Variants in AMPH observed in about 807,000 individuals in gnomAD.
The protein encoded by AMPH is amphiphysin (Stiff-Mann syndrome with breast cancer 128kD autoantigen).
AMPH carries 49 observed loss-of-function variants against 99.1 expected under a neutral mutation model. That is an observed-to-expected ratio of 0.49 (90% CI 0.39 to 0.63). The LOEUF is 0.63. Among genes scored for constraint, AMPH ranks in the 20% least tolerant of loss-of-function variants. AMPH has a pLI of 0.00. For synonymous variants in AMPH, 314 were observed against 317.3 expected (o/e 0.99, Z 0.11); for missense variants, 759 against 863.4 (o/e 0.88, Z 1.52).
At chr7:38,574,385 C>A (rs200750671) in intron 1 of AMPH, among the ~76,000 whole-genome samples, 1 of 152,198 alleles carries the variant, frequency 6.6e-6, no homozygotes, top group Admixed American at 6.5e-5. Context: ...CCAGCGGCCC[C>A]TCTCAAACAG....
chr7:38,609,947 C>A (rs1793567838), intron 1 of AMPH, among the ~76,000 whole-genome samples: 1 of 151,862 alleles, frequency 6.6e-6, no homozygotes, highest in African/African-American at 2.4e-5. Context: ...AGAAACTCAG[C>A]TGAGAACGGT....
chr7:38,599,705 T>C (rs1183053750), intron 1 of AMPH, among the ~76,000 whole-genome samples: 1 of 152,152 alleles, frequency 6.6e-6, no homozygotes, highest in Non-Finnish European at 1.5e-5. Context: ...GCTATGTTCT[T>C]ATACATCAAA....
chr7:38,503,517 G>C (rs1486208382), intron 3 of AMPH, 133 bp downstream of exon 3: 9 of 692,786 alleles, frequency 1.3e-5, no homozygotes, highest in Admixed American at 9.7e-5. Context: ...TGGTGGAATG[G>C]AACACCTGTG....
intron 16 of AMPH, among the ~76,000 whole-genome samples, chr7:38,420,602 G>A (rs1402649307): frequency 6.6e-6 from 1 of 152,226 alleles, no homozygotes; most frequent in East Asian, 1.9e-4. Context: ...AATGAGGAGT[G>A]TAGCCTTGCA....
rs1788546102 is a variant in AMPH, at chr7:38,487,500, T to C, written c.396+3550A>G. On this transcript the variant is annotated intron_variant, in intron 5 of 20. Transcript: ENST00000356264. ...GAAAACTGAAACTGGACCCCTTCTTTATACCTTATACAAAAATTAACTCAA... is the reference window on the plus strand; with the variant it reads ...GAAAACTGAAACTGGACCCCTTCTTCATACCTTATACAAAAATTAACTCAA... 3.3e-5 allele frequency among the ~76,000 whole-genome samples: 5 copies of C among 152,162 alleles called. No homozygotes were observed. The South Asian group carries it at 1.0e-3, about 32-fold the overall frequency.
At chr7:38,431,703 GAGT>G (rs1426057575) in intron 13 of AMPH, among the ~76,000 whole-genome samples, 1 of 151,158 alleles carries the variant, frequency 6.6e-6, no homozygotes, top group Non-Finnish European at 1.5e-5. Context: ...TCAAGGTTAT[GAGT>G]AGTAGAGTTT....
chr7:38,495,796 A>G (rs1003400562), intron 3 of AMPH, among the ~76,000 whole-genome samples: 2 of 152,172 alleles, frequency 1.3e-5, no homozygotes, highest in Non-Finnish European at 2.9e-5. Flanking sequence ...TATGGTTTGC[A>G]ACATTAAAGA....
chr7:38,572,374 A>T (rs1415223485), intron 1 of AMPH, among the ~76,000 whole-genome samples: 2 of 152,206 alleles, frequency 1.3e-5, no homozygotes, highest in Admixed American at 6.5e-5. Flanking sequence ...GCCCTGGTGT[A>T]CAGTAGGTGC....
intron 15 of AMPH, among the ~76,000 whole-genome samples, chr7:38,425,555 C>T (rs1189504591): frequency 6.6e-6 from 1 of 152,154 alleles, no homozygotes; most frequent in African/African-American, 2.4e-5. Context: ...CTGTTAATAG[C>T]ATTTTCATCA....
At chr7:38,570,717 C>G (rs1313407897) in intron 1 of AMPH, among the ~76,000 whole-genome samples, 1 of 149,754 alleles carries the variant, frequency 6.7e-6, no homozygotes, top group Non-Finnish European at 1.5e-5. Flanking sequence ...AAAAAAATAA[C>G]TGTAAGTCAG....
intron 7 of AMPH, among the ~76,000 whole-genome samples, chr7:38,473,480 G>A (rs1787960315): frequency 1.5e-5 from 1 of 66,370 alleles, no homozygotes; most frequent in African/African-American, 7.0e-5. Flanking sequence ...CGAGGCGGGT[G>A]GATCATGAGG....
chr7:38,563,619 G>A (rs1458489923), intron 1 of AMPH, among the ~76,000 whole-genome samples: 1 of 152,094 alleles, frequency 6.6e-6, no homozygotes, highest in East Asian at 1.9e-4. Context: ...ATTTACATAT[G>A]ATCCATGACT....
chr7:38,594,846 T>A (rs536926108), intron 1 of AMPH, among the ~76,000 whole-genome samples: 1 of 152,312 alleles, frequency 6.6e-6, no homozygotes, highest in African/African-American at 2.4e-5. Flanking sequence ...TTTTAAGCAA[T>A]ATTTTTTTCA....
In AMPH at chr7:38,473,635, C is replaced by T. The variant is rs1293638029; in HGVS notation, c.590+1696G>A. ...AGGAGAATGGCGTGAACCCGGGAAGCGGAGCTTGCAGTGAGCCGAGATTGC... is the reference window on the plus strand; with the variant it reads ...AGGAGAATGGCGTGAACCCGGGAAGTGGAGCTTGCAGTGAGCCGAGATTGC... On this transcript the variant is annotated intron_variant, in intron 7 of 20. Coordinates refer to ENST00000356264, the MANE Select transcript of AMPH (RefSeq NM_001635.4). Among the ~76,000 whole-genome samples, 5 of 69,702 alleles carry T rather than the reference C, an allele frequency of 7.2e-5. 2 individuals carry two copies. Among genetic ancestry groups the T allele is most frequent in the Non-Finnish European group, 1.3e-4 (5 of 39,694 alleles). The allele number at this position is 69,702 out of a possible 152,430, so 45.7% of individuals were successfully genotyped here. A position where few individuals can be genotyped will look rare whatever the true frequency, so the allele number is the denominator to read the frequency against.
At chr7:38,394,842 C>G (rs953328230) in intron 17 of AMPH, among the ~76,000 whole-genome samples, 2 of 152,226 alleles carry the variant, frequency 1.3e-5, no homozygotes, top group Non-Finnish European at 2.9e-5. Flanking sequence ...GAATGTGACA[C>G]TTGCCTCATT....
intron 2 of AMPH, among the ~76,000 whole-genome samples, chr7:38,532,540 T>C (rs1188422415): frequency 5.3e-5 from 8 of 152,150 alleles, no homozygotes. Context: ...TAATATACTA[T>C]GCCCCATAAC....
chr7:38,481,756 A>G (rs1788290985), intron 5 of AMPH, among the ~76,000 whole-genome samples: 1 of 152,110 alleles, frequency 6.6e-6, no homozygotes, highest in African/African-American at 2.4e-5. Context: ...TTAACTGCAC[A>G]TGGCCTGTTG....
Position 38,503,674 on chromosome 7 carries a change from G to A in AMPH, c.181C>T (p.Arg61Ter). 1.9e-6 allele frequency: 3 copies of A among 1,613,874 alleles called. No individual in the cohort carries two copies. The highest frequency in any genetic ancestry group is 2.5e-6 in the Non-Finnish European group (3 of 1,179,926). Residue 61 changes from arginine to a stop codon, truncating the protein, a stop_gained, in exon 3 of 21, where the codon CGA (arginine) becomes TGA (stop). Coordinates refer to ENST00000356264, the MANE Select transcript of AMPH (RefSeq NM_001635.4). LOFTEE classifies it high-confidence loss of function. ...CCTTTGATTGCTGCTAAATATCCTC[G>A]GAGTTCTCGCTGAAGTCTGGTACCC... Reference protein sequence around the residue: ...AEGTRLQRELRGYLAAIKGMQ... With the variant: ...AEGTRLQREL
rs191717829 is a variant in AMPH at position 38,561,344 on chromosome 7, G to T, written c.70-26333C>A. Among the ~76,000 whole-genome samples, 3 of 152,314 alleles carry T rather than the reference G, an allele frequency of 2.0e-5. No homozygotes were observed. In the East Asian group the frequency reaches 5.8e-4, roughly 29 times the overall value. On this transcript the variant is annotated intron_variant, in intron 1 of 20. Transcript: ENST00000356264. ...TTCCTCTCATGAGGTTAGACTGCTA[G>T]CCCTGTCTTATCCTCCAGAAAGTGT...
Sources: gnomAD v4.1 joint callset for allele counts (sites outside exome capture counted in the v4.1 genomes callset) on GRCh38, gnomAD v4.1.1 for gene constraint, MANE v1.5 for transcripts, NCBI Gene and HGNC (gene_info 2026-07-23, HGNC 2026-07-21) for gene names.